The following ATP9B variants were observed in gnomAD, a reference collection of about 807,000 sequenced individuals.
ATP9B encodes the protein ATPase phospholipid transporting 9B.
Under a neutral mutation model 146.1 loss-of-function variants are expected in ATP9B, and 110 were observed. The ratio of observed to expected loss-of-function variants is 0.75; its 90% confidence interval spans 0.65 to 0.88. The LOEUF is 0.88. Among genes scored for constraint, ATP9B ranks in the 40% least tolerant of loss-of-function variants. The probability of loss-of-function intolerance (pLI) is 0.00; values close to 1 mark genes in which losing one functional copy is unlikely to be tolerated. For synonymous variants in ATP9B, 604 were observed against 569.7 expected, an observed-to-expected ratio of 1.06 and a Z score of -0.86; for missense variants, 1,499 against 1,496.4, an observed-to-expected ratio of 1.00 and a Z score of -0.03.
chr18:79,365,837 C>T (rs1167794804), intron 26 of ATP9B, among the ~76,000 whole-genome samples: 7 of 151,566 alleles, frequency 4.6e-5, no homozygotes, highest in African/African-American at 1.7e-4. Context: ...AGGACATCTC[C>T]GTGGACGGGG....
chr18:79,119,535 A>G (rs573761579), intron 4 of ATP9B, among the ~76,000 whole-genome samples: 2 of 152,346 alleles, frequency 1.3e-5, no homozygotes, highest in African/African-American at 4.8e-5. Context: ...AACTACTTCA[A>G]TATTCATATA....
At chr18:79,356,386 G>A (rs1453469986) in intron 25 of ATP9B, among the ~76,000 whole-genome samples, 2 of 152,070 alleles carry the variant, frequency 1.3e-5, no homozygotes, top group African/African-American at 2.4e-5. Flanking sequence ...ATCTCACTCG[G>A]CACTCCTGTC....
chr18:79,104,265 T>G (rs570593626), intron 2 of ATP9B, among the ~76,000 whole-genome samples: 2 of 152,278 alleles, frequency 1.3e-5, no homozygotes, highest in South Asian at 4.2e-4. Context: ...AGGTGATTTT[T>G]TGTGTGTGTG....
chr18:79,123,920 C>T (rs1382855815), intron 4 of ATP9B, among the ~76,000 whole-genome samples: 1 of 152,164 alleles, frequency 6.6e-6, no homozygotes, highest in East Asian at 1.9e-4. Flanking sequence ...AGTTGCTCAA[C>T]GTCATTAGTC....
chr18:79,285,665 T>C (rs945464123), intron 13 of ATP9B, among the ~76,000 whole-genome samples: 11 of 152,206 alleles, frequency 7.2e-5, no homozygotes, highest in Non-Finnish European at 1.6e-4. Flanking sequence ...CCATTGCTTT[T>C]GGTGTTTTAG....
intron 6 of ATP9B, among the ~76,000 whole-genome samples, chr18:79,150,327 GTAAC>G (rs2094667482): frequency 6.6e-6 from 1 of 151,904 alleles, no homozygotes; most frequent in African/African-American, 2.4e-5. Context: ...AAAAAAAACT[GTAAC>G]TATCATACTA....
intron 25 of ATP9B, chr18:79,352,813 A>G (rs1434344884): frequency 6.6e-6 from 1 of 152,240 alleles, no homozygotes; most frequent in African/African-American, 2.4e-5. Flanking sequence ...ATCGTGATGC[A>G]TGGAGAATAA....
intron 2 of ATP9B, among the ~76,000 whole-genome samples, chr18:79,097,645 C>G (rs1227062787): frequency 6.9e-6 from 1 of 143,906 alleles, no homozygotes; most frequent in Non-Finnish European, 1.5e-5. Flanking sequence ...TTTGTTCTTG[C>G]GATAGTTTAC....
chr18:79,336,534 G>C (rs1321114420), intron 17 of ATP9B, 94 bp from the exon 18 acceptor site: 1 of 1,142,160 alleles, frequency 8.8e-7, no homozygotes, highest in African/African-American at 1.5e-5. Flanking sequence ...TGAGGGCAGG[G>C]CACCAGCAAT....
intron 1 of ATP9B, among the ~76,000 whole-genome samples, chr18:79,070,891 C>T (rs2071661075): frequency 6.6e-6 from 1 of 151,660 alleles, no homozygotes; most frequent in South Asian, 2.1e-4. Flanking sequence ...AAGTGAGTTT[C>T]TTGTTGGATC....
intron 25 of ATP9B, among the ~76,000 whole-genome samples, chr18:79,351,776 A>G (rs900160852): frequency 4.0e-5 from 6 of 149,598 alleles, no homozygotes; most frequent in Non-Finnish European, 7.4e-5. Flanking sequence ...AAACCCAGGG[A>G]GGGACCAGGG....
intron 26 of ATP9B, chr18:79,361,312 T>A (rs1600380901): frequency 6.6e-6 from 1 of 152,214 alleles, no homozygotes; most frequent in South Asian, 2.1e-4. Flanking sequence ...TAACAAGAGG[T>A]TCATAGGGCC....
chr18:79,193,176 A>G lies in ATP9B; in HGVS notation c.874-7A>G, dbSNP rs2095385164. Reference sequence around the variant, plus strand: ...ATTCTAATCGATTCAAATGTTCTGTATTCCAGGACCTTTTTTCTATCAGTG... The same window carrying G: ...ATTCTAATCGATTCAAATGTTCTGTGTTCCAGGACCTTTTTTCTATCAGTG... On this transcript the variant is annotated splice_region_variant and splice_polypyrimidine_tract_variant and intron_variant, in intron 8 of 29. Transcript: ENST00000426216. 6.3e-7 allele frequency: 1 copy of G among 1,585,768 alleles called. No homozygotes were observed. The highest frequency in any genetic ancestry group is 8.6e-7 in the Non-Finnish European group (1 of 1,156,616).
At chr18:79,110,980 A>G (rs1243568898) in intron 3 of ATP9B, among the ~76,000 whole-genome samples, 1 of 152,196 alleles carries the variant, frequency 6.6e-6, no homozygotes, top group African/African-American at 2.4e-5. Flanking sequence ...ATTTATATAT[A>G]GATGTCTTTG....
At chr18:79,081,813 G>A (rs1034391250) in intron 1 of ATP9B, among the ~76,000 whole-genome samples, 19 of 151,802 alleles carry the variant, frequency 1.3e-4, no homozygotes, top group African/African-American at 3.6e-4. Flanking sequence ...TGGGTAACCC[G>A]ACCTTTCTCT....
chr18:79,123,962 C>A (rs1266073759), intron 4 of ATP9B, among the ~76,000 whole-genome samples: 1 of 152,186 alleles, frequency 6.6e-6, no homozygotes, highest in Non-Finnish European at 1.5e-5. Flanking sequence ...ACCAGAGATA[C>A]TACTTCACAC....
At chr18:79,127,063 C>T (rs2094299430) in intron 5 of ATP9B, among the ~76,000 whole-genome samples, 1 of 151,984 alleles carries the variant, frequency 6.6e-6, no homozygotes, top group Non-Finnish European at 1.5e-5. Context: ...CATAGTAACC[C>T]CAAAGTCTGT....
chr18:79,101,191 C>T (rs2075256761), intron 2 of ATP9B, among the ~76,000 whole-genome samples: 1 of 152,090 alleles, frequency 6.6e-6, no homozygotes, highest in South Asian at 2.1e-4. Context: ...TCCAACCCCA[C>T]AGGGAGCTTC....
chr18:79,223,147 G>T (rs552957592), intron 11 of ATP9B, among the ~76,000 whole-genome samples: 38 of 152,318 alleles, frequency 2.5e-4, no homozygotes, highest in Non-Finnish European at 8.8e-5. Flanking sequence ...TAGAGCTGGT[G>T]CTTGTTATCT....
Sources: gnomAD v4.1 joint callset for allele counts (sites outside exome capture counted in the v4.1 genomes callset) on GRCh38, gnomAD v4.1.1 for gene constraint, MANE v1.5 for transcripts, NCBI Gene and HGNC (gene_info 2026-07-23, HGNC 2026-07-21) for gene names.